TMEM165: variants seen among roughly 807,000 people sequenced by gnomAD.
TMEM165 encodes the protein putative divalent cation/proton antiporter TMEM165.
A neutral mutation model predicts 30.0 loss-of-function variants in TMEM165; 19 were observed. The observed-to-expected ratio is 0.63, with a 90% CI of 0.44 to 0.93. The LOEUF is 0.93. Among genes scored for constraint, TMEM165 ranks in the 40% least tolerant of loss-of-function variants. TMEM165 has a pLI of 0.00. For synonymous variants in TMEM165, 168 were observed against 162.9 expected (o/e 1.03, Z -0.24); for missense variants, 340 against 417.0 (o/e 0.82, Z 1.61).
At chr4:55,435,656 TACTC>T (rs1301040659) in intron 3 of TMEM165, 12 of 1,521,372 alleles carry the variant, frequency 7.9e-6, no homozygotes, top group South Asian at 2.3e-5. Context: ...ACATAATAGT[TACTC>T]ACACTCTCCC....
chr4:55,422,660 T>A (rs112760813), intron 4 of TMEM165, among the ~76,000 whole-genome samples: 2,087 of 151,926 alleles, frequency 0.014, 47 homozygotes, highest in African/African-American at 0.048. Context: ...TTATTTATTT[T>A]TTTTTTGAGA....
chr4:55,404,161 G>A (rs1399211138), intron 1 of TMEM165, among the ~76,000 whole-genome samples: 6 of 149,918 alleles, frequency 4.0e-5, no homozygotes, highest in Admixed American at 6.7e-5. Flanking sequence ...ACAGGTGTGC[G>A]CCACCACGCC....
At position 55,411,700 on chromosome 4, in the gene TMEM165, C is replaced by G. The variant is rs11542641; in HGVS notation, c.294C>G (p.Val98=). The G allele has an allele frequency of 6.2e-7, 1 of 1,613,954 alleles. No individual in the cohort carries two copies. The change falls in exon 2 of 6, where the codon GTC becomes GTG. Residue 98 remains valine (V), a synonymous_variant. Transcript: ENST00000381334. ...ATTTGGGATTTATCCATGCATTTGT[C>G]GCTGCCATATCAGTTATTATTGTAT... ...QTNLGFIHAF[V]AAISVIIVSE... is the part of the protein sequence containing the mutation.
chr4:55,421,480 T>C (rs1721973719), intron 4 of TMEM165, among the ~76,000 whole-genome samples: 1 of 151,926 alleles, frequency 6.6e-6, no homozygotes, highest in Admixed American at 6.6e-5. Flanking sequence ...GTATTTTTTG[T>C]AGAGACAGGG....
chr4:55,435,199 G>C, intron 3 of TMEM165: 1 of 583,882 alleles, frequency 1.7e-6, no homozygotes, highest in Middle Eastern at 4.8e-4. Context: ...GTCAGAACTG[G>C]CTATGCCCCT....
intron 3 of TMEM165, chr4:55,448,751 C>T (rs1291625710): frequency 1.7e-5 from 27 of 1,556,426 alleles, no homozygotes; most frequent in South Asian, 8.9e-5. Flanking sequence ...TATTCAAATA[C>T]GCAACTGAAA....
intron 5 of TMEM165, 146 bp downstream of exon 5, chr4:55,424,789 G>T: frequency 1.7e-6 from 1 of 587,026 alleles, no homozygotes; most frequent in Non-Finnish European, 2.9e-6. Context: ...TATTAATCCT[G>T]GTATTGCAAA....
chr4:55,437,180 C>CA (rs1290673154), intron 3 of TMEM165, among the ~76,000 whole-genome samples: 1 of 152,184 alleles, frequency 6.6e-6, no homozygotes, highest in Non-Finnish European at 1.5e-5. Context: ...TAGTTTTCTA[C>CA]ATCACAAAGA....
At chr4:55,414,716 C>T (rs894166092) in intron 2 of TMEM165, among the ~76,000 whole-genome samples, 1 of 152,110 alleles carries the variant, frequency 6.6e-6, no homozygotes, top group Non-Finnish European at 1.5e-5. Context: ...TGAAATATAT[C>T]CATAGCCTTT....
chr4:55,449,533 A>G, intron 3 of TMEM165: 2 of 1,498,214 alleles, frequency 1.3e-6, no homozygotes, highest in Non-Finnish European at 1.9e-6. Flanking sequence ...TTAGTACTTT[A>G]TAAAATATAG....
At chr4:55,449,991 A>G (rs1024514115) in intron 3 of TMEM165, 3 of 1,399,392 alleles carry the variant, frequency 2.1e-6, no homozygotes, top group Non-Finnish European at 3.0e-6. Flanking sequence ...GTAAAAACTT[A>G]TAATTTTAAA....
Position 55,411,652 on chromosome 4 carries a change from A to G in TMEM165, c.246A>G (p.Lys82=). 6.2e-7 allele frequency: 1 copy of G among 1,614,238 alleles called. No individual in the cohort carries two copies. The highest frequency in any genetic ancestry group is 8.5e-7 in the Non-Finnish European group (1 of 1,180,038). The part of the protein sequence containing the change: ...FTPAAPVHTN[K]EDPATQTNLG... ...CAGCAGCTCCAGTTCATACCAATAA[A>G]GAAGATCCTGCTACCCAAACTAATT... Residue 82 remains lysine, a synonymous_variant, in exon 2 of 6, where the codon AAA becomes AAG. Coordinates refer to ENST00000381334, the MANE Select transcript of TMEM165 (RefSeq NM_018475.5).
chr4:55,444,743 C>G, intron 3 of TMEM165: 4 of 1,614,076 alleles, frequency 2.5e-6, no homozygotes, highest in Non-Finnish European at 2.5e-6. Flanking sequence ...TCCAATTGGT[C>G]TTTCAGATGT....
At chr4:55,447,956 T>C (rs1577692429) in intron 3 of TMEM165, among the ~76,000 whole-genome samples, 1 of 152,166 alleles carries the variant, frequency 6.6e-6, no homozygotes, top group African/African-American at 2.4e-5. Context: ...GTTGGGAAGT[T>C]AGGCTCTAAA....
At chr4:55,410,265 G>C (rs1162266207) in intron 1 of TMEM165, among the ~76,000 whole-genome samples, 1 of 152,182 alleles carries the variant, frequency 6.6e-6, no homozygotes, top group Admixed American at 6.5e-5. Flanking sequence ...ACTGTATATA[G>C]AACTTTGGGG....
chr4:55,436,810 G>GT (rs780869943), intron 3 of TMEM165, among the ~76,000 whole-genome samples: 4 of 149,414 alleles, frequency 2.7e-5, no homozygotes, highest in Non-Finnish European at 5.9e-5. Context: ...GCCAAATTGT[G>GT]TATTTATTAC....
At chr4:55,417,669 T>G in intron 3 of TMEM165, 134 bp from the exon 4 acceptor site, 1 of 704,924 alleles carries the variant, frequency 1.4e-6, no homozygotes, top group Non-Finnish European at 2.3e-6. Flanking sequence ...AGAGGGGAGG[T>G]TTGGGGGTCA....
At chr4:55,406,436 C>G (rs150556765) in intron 1 of TMEM165, among the ~76,000 whole-genome samples, 36 of 152,280 alleles carry the variant, frequency 2.4e-4, no homozygotes, top group African/African-American at 8.4e-4. Flanking sequence ...TGGAAACATT[C>G]ATCATTAACC....
chr4:55,414,653 G>A (rs938584138), intron 2 of TMEM165, among the ~76,000 whole-genome samples: 2 of 152,048 alleles, frequency 1.3e-5, no homozygotes, highest in African/African-American at 2.4e-5. Context: ...TTTCCCTTCG[G>A]TCTAGGTCAG....
Sources: gnomAD v4.1 joint callset for allele counts (sites outside exome capture counted in the v4.1 genomes callset) on GRCh38, gnomAD v4.1.1 for gene constraint, MANE v1.5 for transcripts, NCBI Gene and HGNC (gene_info 2026-07-23, HGNC 2026-07-21) for gene names.